ANO4: variants seen among roughly 807,000 people sequenced by gnomAD.
ANO4 encodes anoctamin 4.
In ANO4, 69 loss-of-function variants were observed where a neutral mutation model predicts 141.9. That is an observed-to-expected ratio of 0.49 (90% CI 0.40 to 0.59). ANO4 has a LOEUF of 0.59. Ranked by LOEUF, ANO4 falls within the 20% of genes least tolerant of loss-of-function variation. ANO4 has a pLI of 0.00. For missense variants in ANO4, 894 were observed against 1,162.2 expected, an observed-to-expected ratio of 0.77 and a Z score of 3.36; for synonymous variants, 350 against 394.3, an observed-to-expected ratio of 0.89 and a Z score of 1.33.
chr12:100,838,293 A>T (rs1016024391), intron 1 of ANO4, among the ~76,000 whole-genome samples: 1 of 151,286 alleles, frequency 6.6e-6, no homozygotes, highest in African/African-American at 2.4e-5. Context: ...GACTGTAAAG[A>T]GCATGGACTA....
At chr12:100,860,351 C>A (rs1385340233) in intron 1 of ANO4, among the ~76,000 whole-genome samples, 1 of 152,168 alleles carries the variant, frequency 6.6e-6, no homozygotes, top group Non-Finnish European at 1.5e-5. Context: ...CTGCCTAATA[C>A]ATGTTATTCT....
intron 5 of ANO4, among the ~76,000 whole-genome samples, chr12:100,966,235 T>C (rs2043647416): frequency 6.6e-6 from 1 of 152,192 alleles, no homozygotes; most frequent in Admixed American, 6.5e-5. Flanking sequence ...CTCTTGGAGA[T>C]AACAACAAGC....
intron 13 of ANO4, among the ~76,000 whole-genome samples, chr12:101,047,279 A>T (rs1378494525): frequency 6.6e-6 from 1 of 151,648 alleles, no homozygotes; most frequent in Non-Finnish European, 1.5e-5. Context: ...ACAACAACAA[A>T]CTCTGATAGA....
chr12:101,049,563 A>G (rs200129991), intron 14 of ANO4, among the ~76,000 whole-genome samples: 1 of 124,410 alleles, frequency 8.0e-6, no homozygotes, highest in African/African-American at 2.8e-5. Context: ...AGATAGGTGG[A>G]TGGATGGATG....
intron 3 of ANO4, among the ~76,000 whole-genome samples, chr12:100,760,225 G>T (rs1016159718): frequency 1.3e-5 from 2 of 152,108 alleles, no homozygotes; most frequent in African/African-American, 2.4e-5. Flanking sequence ...AGATTTTGGG[G>T]GCTAATATTC....
intron 14 of ANO4, chr12:101,068,665 C>T (rs908207926): frequency 3.1e-6 from 4 of 1,309,118 alleles, no homozygotes; most frequent in East Asian, 2.3e-5. Context: ...GAATGACTTC[C>T]TTATTAACTA....
At chr12:100,746,143 A>G (rs530832493) in intron 3 of ANO4, among the ~76,000 whole-genome samples, 2 of 152,318 alleles carry the variant, frequency 1.3e-5, no homozygotes, top group Non-Finnish European at 2.9e-5. Flanking sequence ...AGAATGACTA[A>G]ACAACCTAGT....
At chr12:100,964,315 T>C (rs936332491) in intron 5 of ANO4, among the ~76,000 whole-genome samples, 11 of 152,272 alleles carry the variant, frequency 7.2e-5, no homozygotes, top group African/African-American at 2.4e-4. Flanking sequence ...TAGTTCCTCA[T>C]TTGCAATAAA....
chr12:101,084,570 G>A lies in ANO4; in HGVS notation c.1536+752G>A, dbSNP rs1465482314. On this transcript the variant is annotated intron_variant, in intron 16 of 27. Coordinates refer to ENST00000392977, the MANE Select transcript of ANO4 (RefSeq NM_001286615.2). ...ATGCCTAGACCATTAGAGTAGGAAG[G>A]ACAAGACTATAGCAAATTCAGACAG... Among the ~76,000 whole-genome samples, 13 of 152,208 alleles carry A rather than the reference G, an allele frequency of 8.5e-5. No individual in the cohort carries two copies. In the South Asian group the frequency reaches 2.7e-3, roughly 32 times the overall value.
rs569284915 is a variant in ANO4 at position 101,034,792 on chromosome 12, A to G, written c.842-2303A>G. 7.2e-5 allele frequency among the ~76,000 whole-genome samples: 11 copies of G among 152,326 alleles called. No individual in the cohort carries two copies. The South Asian group carries it at 1.4e-3, about 20-fold the overall frequency. On this transcript the variant is annotated intron_variant, in intron 9 of 27. Transcript: ENST00000392977. ...ACATTTCACAAGAGAAGATATACAG[A>G]TGGCAAACAGCACACAAGATGATTT... is the stretch of plus-strand genomic sequence containing the variant.
chr12:100,936,088 A>C (rs116184954), intron 3 of ANO4, among the ~76,000 whole-genome samples: 5 of 152,106 alleles, frequency 3.3e-5, no homozygotes, highest in Non-Finnish European at 2.9e-5. Context: ...AGTATCACCT[A>C]TTGTCTAACA....
At chr12:100,760,770 C>T (rs574886316) in intron 3 of ANO4, among the ~76,000 whole-genome samples, 1 of 152,150 alleles carries the variant, frequency 6.6e-6, no homozygotes, top group East Asian at 1.9e-4. Flanking sequence ...TTCTATACAT[C>T]GTCATGGGCC....
At chr12:101,072,418 C>T (rs2048851801) in intron 14 of ANO4, among the ~76,000 whole-genome samples, 1 of 152,146 alleles carries the variant, frequency 6.6e-6, no homozygotes, top group Non-Finnish European at 1.5e-5. Context: ...GGTAAATGCA[C>T]AGCAGCCTGC....
chr12:100,913,903 T>C (rs148162152), intron 2 of ANO4, among the ~76,000 whole-genome samples: 5 of 152,312 alleles, frequency 3.3e-5, no homozygotes, highest in African/African-American at 1.2e-4. Flanking sequence ...TCTCAAGCCC[T>C]TCATGTATAA....
chr12:100,733,933 G>A (rs1172432901), intron 2 of ANO4: 2 of 635,712 alleles, frequency 3.1e-6, no homozygotes, highest in African/African-American at 3.7e-5. Flanking sequence ...GGGGGTGGCT[G>A]GGGAGGAGAG....
intron 1 of ANO4, among the ~76,000 whole-genome samples, chr12:100,882,060 G>T (rs1217748669): frequency 6.6e-6 from 1 of 152,088 alleles, no homozygotes; most frequent in Non-Finnish European, 1.5e-5. Context: ...AAATGTTAAT[G>T]ATAATAATAC....
At position 100,824,917 on chromosome 12, in the gene ANO4, T is replaced by C. The variant is rs190381503; in HGVS notation, c.-141+29890T>C. ...GTTTTATTTTTTAACTTAATTGATA[T>C]CTGTTTTCAAAAGGACTTTTAATAT... On this transcript the variant is annotated intron_variant, in intron 1 of 27. Coordinates refer to ENST00000392977, the MANE Select transcript of ANO4 (RefSeq NM_001286615.2). Among the ~76,000 whole-genome samples, 235 of 152,198 alleles carry C rather than the reference T, an allele frequency of 1.5e-3. 1 individual carries two copies. The highest frequency in any genetic ancestry group is 5.5e-3 in the African/African-American group (228 of 41,566).
intron 1 of ANO4, among the ~76,000 whole-genome samples, chr12:100,826,673 A>T (rs911684127): frequency 1.3e-5 from 2 of 152,002 alleles, no homozygotes; most frequent in South Asian, 2.1e-4. Flanking sequence ...ATTTATTAGT[A>T]ACATTTCTAG....
rs574743216 is a variant in ANO4, at chr12:100,741,169, G to T, written c.358+1064G>T. On this transcript the variant is annotated intron_variant, in intron 3 of 29. Coordinates refer to the ANO4 transcript ENST00000644049. ...GTTTAAATTATGCAAAATCTATCCTGCCATGTTTTCCTTCTATAGATACAG... is the reference window on the plus strand; with the variant it reads ...GTTTAAATTATGCAAAATCTATCCTTCCATGTTTTCCTTCTATAGATACAG... Among the ~76,000 whole-genome samples the T allele has an allele frequency of 4.6e-5, 7 of 152,200 alleles. No homozygotes were observed. In the South Asian group the frequency reaches 1.5e-3, roughly 32 times the overall value.
Sources: gnomAD v4.1 joint callset for allele counts (sites outside exome capture counted in the v4.1 genomes callset) on GRCh38, gnomAD v4.1.1 for gene constraint, MANE v1.5 for transcripts, NCBI Gene and HGNC (gene_info 2026-07-23, HGNC 2026-07-21) for gene names.